Variants in BACH2 observed in about 807,000 individuals in gnomAD.
BACH2 encodes transcription regulator protein BACH2.
Under a neutral mutation model 61.8 loss-of-function variants are expected in BACH2, and 5 were observed. That is an observed-to-expected ratio of 0.08 (90% CI 0.04 to 0.17). The LOEUF is 0.17. Among genes scored for constraint, BACH2 ranks in the 10% least tolerant of loss-of-function variants. The pLI is 1.00. For missense variants in BACH2, 824 were observed against 1,091.1 expected, an observed-to-expected ratio of 0.76 and a Z score of 3.45; for synonymous variants, 446 against 440.1, an observed-to-expected ratio of 1.01 and a Z score of -0.17.
At chr6:90,243,207 T>C (rs1009870370) in intron 3 of BACH2, among the ~76,000 whole-genome samples, 2 of 152,010 alleles carry the variant, frequency 1.3e-5, no homozygotes, top group Non-Finnish European at 2.9e-5. Context: ...ATTATCTGAT[T>C]TCCACAGCCT....
chr6:90,178,398 T>C (rs1423698546), intron 4 of BACH2, among the ~76,000 whole-genome samples: 2 of 152,206 alleles, frequency 1.3e-5, no homozygotes, highest in African/African-American at 2.4e-5. Context: ...AAAAAGATTC[T>C]TAACATATTT....
intron 2 of BACH2, among the ~76,000 whole-genome samples, chr6:90,260,448 A>T (rs1332962931): frequency 6.6e-6 from 1 of 152,148 alleles, no homozygotes; most frequent in Non-Finnish European, 1.5e-5. Context: ...TCAATCTTAA[A>T]TTTTGTGGCC....
At chr6:90,115,350 A>T (rs1276327308) in intron 4 of BACH2, among the ~76,000 whole-genome samples, 1 of 152,134 alleles carries the variant, frequency 6.6e-6, no homozygotes, top group Admixed American at 6.5e-5. Flanking sequence ...CAGAATAGAG[A>T]GCTCAGAAAT....
At chr6:90,233,571 A>G (rs971195308) in intron 3 of BACH2, among the ~76,000 whole-genome samples, 5 of 152,226 alleles carry the variant, frequency 3.3e-5, no homozygotes, top group Non-Finnish European at 5.9e-5. Context: ...CTCGCCTGAC[A>G]ATTGGGAATA....
chr6:89,947,952 C>T (rs1018193584), intron 7 of BACH2, among the ~76,000 whole-genome samples: 10 of 152,098 alleles, frequency 6.6e-5, no homozygotes, highest in Admixed American at 2.0e-4. Flanking sequence ...TAGTCCTGTT[C>T]ATGACTATTT....
intron 4 of BACH2, chr6:90,116,686 T>A (rs1298422107): frequency 6.1e-6 from 2 of 326,236 alleles, no homozygotes; most frequent in Admixed American, 3.7e-5. Flanking sequence ...ATGGCAGTGA[T>A]GGTCAATACC....
At chr6:90,017,665 T>C (rs949242685) in intron 5 of BACH2, among the ~76,000 whole-genome samples, 26 of 152,216 alleles carry the variant, frequency 1.7e-4, no homozygotes, top group African/African-American at 5.1e-4. Flanking sequence ...TGGTCTTTTA[T>C]AAAAAATCTT....
chr6:89,950,517 TCC>T lies in BACH2; in HGVS notation c.1587_1588del (p.Glu530GlyfsTer14). ...GCAGGGTGAGCCCCCGCTCCCGTCC[TCC>T]GCGTAGGAATAGGAAGAGCAGGAGC... On this transcript the variant is annotated frameshift_variant, in exon 7 of 9. Transcript: ENST00000257749. LOFTEE classifies it high-confidence loss of function. The surrounding 1 kb of genome is among the most constrained non-coding windows in gnomAD (Gnocchi z 5.3). The T allele has an allele frequency of 6.2e-7, 1 of 1,613,662 alleles. No homozygotes were observed. Among genetic ancestry groups the T allele is most frequent in the Non-Finnish European group, 8.5e-7 (1 of 1,179,698 alleles).
intron 5 of BACH2, among the ~76,000 whole-genome samples, chr6:90,026,098 A>C (rs546230288): frequency 6.6e-6 from 1 of 152,340 alleles, no homozygotes; most frequent in East Asian, 1.9e-4. Flanking sequence ...CTCACAACAG[A>C]GAATCAAGAC....
rs73497155 is a variant in BACH2, at chr6:90,042,955, G to A, written c.-12-34099C>T. On this transcript the variant is annotated intron_variant, in intron 5 of 8. Coordinates refer to ENST00000257749, the MANE Select transcript of BACH2 (RefSeq NM_021813.4). ...GAGGAAGCATAAGAGTGGCAACCAC[G>A]GCCTGATTTGGCATGAATTTCAAAG... Among the ~76,000 whole-genome samples, 360 of 152,268 alleles carry A rather than the reference G, an allele frequency of 2.4e-3. 1 individual carries two copies. The highest frequency in any genetic ancestry group is 8.2e-3 in the African/African-American group (339 of 41,550).
chr6:90,163,492 T>C (rs912257440), intron 4 of BACH2, among the ~76,000 whole-genome samples: 1 of 152,216 alleles, frequency 6.6e-6, no homozygotes, highest in Non-Finnish European at 1.5e-5. Flanking sequence ...TGTGGACCCC[T>C]AAGAGTACAT....
At chr6:90,206,719 G>A (rs1172969614) in intron 3 of BACH2, 38 bp from the exon 4 acceptor site, 1 of 152,362 alleles carries the variant, frequency 6.6e-6, no homozygotes, top group African/African-American at 2.4e-5. Context: ...ATCAGCTGGT[G>A]CCCAGGAAGG....
In BACH2 at chr6:90,145,349, T is replaced by C. The variant is rs146927803; in HGVS notation, c.-161-56240A>G. On this transcript the variant is annotated intron_variant, in intron 4 of 8. Transcript: ENST00000257749. ...CTGAAACACAGACAAAGATAGGTAA[T>C]TAACTGCTACTAGCTTAGATGAAAA... Among the ~76,000 whole-genome samples, 314 of 152,362 alleles carry C rather than the reference T, an allele frequency of 2.1e-3. 1 individual carries two copies. The highest frequency in any genetic ancestry group is 2.9e-3 in the Non-Finnish European group (197 of 68,040).
chr6:90,006,941 G>A (rs1582182487), intron 6 of BACH2, among the ~76,000 whole-genome samples: 1 of 152,064 alleles, frequency 6.6e-6, no homozygotes, highest in East Asian at 1.9e-4. Flanking sequence ...TTATCAGCTG[G>A]TTGCCTTCCT....
intron 3 of BACH2, among the ~76,000 whole-genome samples, chr6:90,221,745 A>C: frequency 6.6e-6 from 1 of 152,154 alleles, no homozygotes. Flanking sequence ...TTGACACCTA[A>C]AAAAGGAGGG....
chr6:90,295,362 ACT>A (rs1772309878), intron 1 of BACH2, among the ~76,000 whole-genome samples: 1 of 151,962 alleles, frequency 6.6e-6, no homozygotes, highest in Non-Finnish European at 1.5e-5. Context: ...CCCTTCACAC[ACT>A]CACTCCCGGC....
chr6:90,092,315 T>TACAC lies in BACH2; in HGVS notation c.-161-3210_-161-3207dup, dbSNP rs1554244355. Among the ~76,000 whole-genome samples, 34 of 112,410 alleles carry TACAC rather than the reference T, an allele frequency of 3.0e-4. 1 individual carries two copies. In the East Asian group the frequency reaches 6.9e-3, roughly 23 times the overall value. 73.7% of individuals were successfully genotyped at this position (112,410 alleles called of 152,430 possible). Reference sequence around the variant, plus strand: ...AAATATATATATATATATATATATATACACACACACACATTGCATCACTTG... The same window carrying TACAC: ...AAATATATATATATATATATATATATACACACACACACACACATTGCATCACTTG... On this transcript the variant is annotated intron_variant, in intron 4 of 8. Transcript: ENST00000257749.
chr6:90,045,685 A>G (rs1002398993), intron 5 of BACH2, among the ~76,000 whole-genome samples: 5 of 152,190 alleles, frequency 3.3e-5, no homozygotes, highest in Non-Finnish European at 7.3e-5. Flanking sequence ...TCATATTACC[A>G]ATACCAAAAA....
At chr6:90,097,272 T>TTTTTTTAAAAA (rs570665512) in intron 4 of BACH2, among the ~76,000 whole-genome samples, 841 of 10,974 alleles carry the variant, frequency 0.077, 11 homozygotes, top group African/African-American at 0.43. Flanking sequence ...GTTCTATAGA[T>TTTTTTTAAAAA]TTTTTTTAAA....
Sources: allele counts gnomAD v4.1 joint callset (sites outside exome capture counted in the v4.1 genomes callset), GRCh38; gene constraint gnomAD v4.1.1; non-coding constraint Gnocchi (gnomAD v3.1); transcripts MANE v1.5; gene names NCBI Gene and HGNC (gene_info 2026-07-23, HGNC 2026-07-21).